CARF: variants seen among roughly 807,000 people sequenced by gnomAD.
CARF encodes calcium responsive transcription factor.
A neutral mutation model predicts 82.0 loss-of-function variants in CARF; 57 were observed. That is an observed-to-expected ratio of 0.70 (90% confidence interval 0.56 to 0.87). CARF has a LOEUF of 0.87. CARF is among the 40% of genes least tolerant of loss of function. The pLI, the probability that CARF is intolerant of heterozygous loss-of-function variation, is 0.00. For synonymous variants in CARF, 268 were observed against 290.1 expected (o/e 0.92, Z 0.77); for missense variants, 771 against 855.8 (o/e 0.90, Z 1.24).
intron 8 of CARF, among the ~76,000 whole-genome samples, chr2:202,956,677 C>G (rs1410595648): frequency 6.6e-6 from 1 of 152,192 alleles, no homozygotes; most frequent in Admixed American, 6.5e-5. Flanking sequence ...ACTAGCTCCA[C>G]TTCCAAAATT....
At chr2:202,974,561 A>G (rs2059947626) in intron 13 of CARF, 65 bp downstream of exon 13, 4 of 1,440,970 alleles carry the variant, frequency 2.8e-6, no homozygotes, top group South Asian at 1.3e-5. Flanking sequence ...ATTTAGTCTA[A>G]TAAGAATGGC....
At chr2:202,964,162 C>T (rs2059440230) in intron 9 of CARF, among the ~76,000 whole-genome samples, 1 of 152,178 alleles carries the variant, frequency 6.6e-6, no homozygotes, top group Admixed American at 6.5e-5. Context: ...CAGATTTGTA[C>T]ATAAGGGTTT....
At chr2:202,964,900 T>TATATACAC (rs774903348) in intron 9 of CARF, among the ~76,000 whole-genome samples, 1 of 146,034 alleles carries the variant, frequency 6.8e-6, no homozygotes, top group Non-Finnish European at 1.5e-5. Flanking sequence ...TATATATATA[T>TATATACAC]ACACACACAC....
At position 202,970,035 on chromosome 2, in the gene CARF, A is replaced by G; in HGVS notation, c.1070A>G (p.Asn357Ser). ...AAAGCTTTTAACATGCTAAAGAAGAACTTGGTAGATGCTGGTGGTGTTCTT... is the reference window on the plus strand; with the variant it reads ...AAAGCTTTTAACATGCTAAAGAAGAGCTTGGTAGATGCTGGTGGTGTTCTT... ...QEKAFNMLKK[N>S]LVDAGGVLRW... Residue 357 changes from asparagine to serine, a missense_variant, in exon 11 of 17, where the codon AAC becomes AGC. Transcript: ENST00000438828. 1 of 1,572,308 alleles carries G rather than the reference A, an allele frequency of 6.4e-7. No homozygotes were observed. Among genetic ancestry groups the G allele is most frequent in the Non-Finnish European group, 8.6e-7 (1 of 1,168,134 alleles).
In CARF at chr2:202,943,587, TACACAC is replaced by T. The variant is rs754214990; in HGVS notation, c.306+658_306+663del. On this transcript the variant is annotated intron_variant, in intron 5 of 16. Coordinates refer to ENST00000438828, the MANE Select transcript of CARF (RefSeq NM_024744.17). ...CATGGAACTTACATTTAATGGAATG[TACACAC>T]ACACACACACACACACACACACACA... is the stretch of plus-strand genomic sequence containing the variant. 3.8e-3 allele frequency among the ~76,000 whole-genome samples: 442 copies of T among 115,174 alleles called. 1 individual carries two copies. Among genetic ancestry groups the T allele is most frequent in the African/African-American group, 0.013 (415 of 30,882 alleles). The allele number at this position is 115,174 out of a possible 152,430, so 75.6% of individuals were successfully genotyped here.
In CARF at chr2:202,954,147, G is replaced by T. The variant is rs777417204; in HGVS notation, c.557+13G>T. On this transcript the variant is annotated intron_variant, in intron 7 of 16. Coordinates refer to ENST00000438828, the MANE Select transcript of CARF (RefSeq NM_024744.17). ...AGTCAGTGACCGGGTGAGTCCACGG[G>T]AAAGAGAAGCTCATCTTTTAATATC... The T allele has an allele frequency of 6.2e-7, 1 of 1,600,704 alleles. No individual in the cohort carries two copies. The highest frequency in any genetic ancestry group is 1.8e-5 in the Admixed American group (1 of 56,174).
At chr2:202,961,471 A>G (rs776948084) in intron 9 of CARF, 45 bp downstream of exon 9, 14 of 1,537,286 alleles carry the variant, frequency 9.1e-6, no homozygotes, top group Non-Finnish European at 1.3e-5. Context: ...CAGCAGCCAT[A>G]GTCCATTGTC....
At chr2:202,969,871 T>G in intron 10 of CARF, 48 bp from the exon 11 acceptor site, 1 of 1,211,660 alleles carries the variant, frequency 8.3e-7, no homozygotes, top group Non-Finnish European at 1.1e-6. Context: ...ATAGATTATC[T>G]TGAGATTATA....
chr2:202,930,721 A>T (rs1471591334), intron 3 of CARF, among the ~76,000 whole-genome samples: 1 of 152,040 alleles, frequency 6.6e-6, no homozygotes, highest in Non-Finnish European at 1.5e-5. Flanking sequence ...CCTTTTTATC[A>T]TTAGAATCTG....
intron 3 of CARF, chr2:202,925,228 A>G: frequency 2.8e-6 from 1 of 359,036 alleles, no homozygotes. Flanking sequence ...CCTCATCAAG[A>G]AGGATATGAA....
intron 5 of CARF, among the ~76,000 whole-genome samples, chr2:202,950,891 T>TA (rs1439819691): frequency 2.7e-4 from 41 of 152,306 alleles, no homozygotes; most frequent in African/African-American, 9.4e-4. Context: ...AAGAAACTTG[T>TA]TGAACATTGG....
intron 1 of CARF, among the ~76,000 whole-genome samples, chr2:202,915,658 C>A (rs1482039940): frequency 6.6e-6 from 1 of 151,952 alleles, no homozygotes; most frequent in African/African-American, 2.4e-5. Context: ...TTGGTAGACA[C>A]AGGGTTTTAT....
At chr2:202,973,673 C>T (rs1167580731) in intron 12 of CARF, 5 of 258,076 alleles carry the variant, frequency 1.9e-5, no homozygotes, top group Non-Finnish European at 2.3e-5. Context: ...GTACGTATGT[C>T]GTTGATCATT....
rs549795373 is a variant in CARF, at chr2:202,927,760, T to C, written c.-44+3345T>C. 2.6e-5 allele frequency among the ~76,000 whole-genome samples: 4 copies of C among 152,094 alleles called. No homozygotes were observed. The East Asian group carries it at 5.8e-4, about 22-fold the overall frequency. ...ATTGTTAATTATAGTCACCCTATAG[T>C]GCTATAGAACACTAGAACTTATTCC... On this transcript the variant is annotated intron_variant, in intron 3 of 16. Coordinates refer to ENST00000438828, the MANE Select transcript of CARF (RefSeq NM_024744.17).
intron 8 of CARF, among the ~76,000 whole-genome samples, chr2:202,960,434 C>T (rs538044792): frequency 6.6e-6 from 1 of 151,964 alleles, no homozygotes; most frequent in African/African-American, 2.4e-5. Flanking sequence ...ATTTTTCGTA[C>T]TGATGGGGTT....
At chr2:202,965,302 T>C (rs764550598) in intron 9 of CARF, among the ~76,000 whole-genome samples, 3 of 152,194 alleles carry the variant, frequency 2.0e-5, no homozygotes, top group Non-Finnish European at 4.4e-5. Context: ...TGTGTACTTA[T>C]TGCCATCTGT....
At chr2:202,944,323 T>C (rs528980461) in intron 5 of CARF, among the ~76,000 whole-genome samples, 239 of 152,320 alleles carry the variant, frequency 1.6e-3, no homozygotes, top group African/African-American at 5.6e-3. Flanking sequence ...ATAATGTGTT[T>C]CTTGTTTACT....
intron 3 of CARF, among the ~76,000 whole-genome samples, chr2:202,930,292 C>T (rs1231311571): frequency 2.0e-5 from 3 of 152,242 alleles, no homozygotes; most frequent in African/African-American, 7.2e-5. Context: ...AGTCATCCAC[C>T]TGCCTTGGCT....
chr2:202,980,616 G>GCA lies in CARF; in HGVS notation c.1559-939_1559-938insCA, dbSNP rs1553578616. ...GAGTTACAGATATAGCGTCTTTCAA[G>GCA]TATATATATATATATATATATATAT... On this transcript the variant is annotated intron_variant, in intron 14 of 16. Transcript: ENST00000438828. Among the ~76,000 whole-genome samples, 3 of 42,664 alleles carry GCA rather than the reference G, an allele frequency of 7.0e-5. 1 individual carries two copies. The highest frequency in any genetic ancestry group is 5.0e-4 in the African/African-American group (3 of 6,044). The allele number at this position is 42,664 out of a possible 152,430, so 28.0% of individuals were successfully genotyped here. A position where few individuals can be genotyped will look rare whatever the true frequency, so the allele number is the denominator to read the frequency against.
Sources: gnomAD v4.1 joint callset for allele counts (sites outside exome capture counted in the v4.1 genomes callset) on GRCh38, gnomAD v4.1.1 for gene constraint, MANE v1.5 for transcripts, NCBI Gene and HGNC (gene_info 2026-07-23, HGNC 2026-07-21) for gene names.